RABGAP1: variants seen among roughly 807,000 people sequenced by gnomAD.
The protein encoded by RABGAP1 is rab GTPase-activating protein 1.
A neutral mutation model predicts 137.6 loss-of-function variants in RABGAP1; 23 were observed. That is an observed-to-expected ratio of 0.17 (90% CI 0.12 to 0.24). The LOEUF is 0.24. RABGAP1 is among the 10% of genes least tolerant of loss of function. RABGAP1 has a pLI of 1.00. For missense variants in RABGAP1, 906 were observed against 1,275.8 expected (o/e 0.71, Z 4.42); for synonymous variants, 451 against 450.7 (o/e 1.00, Z -0.01).
chr9:122,994,267 A>G (rs1050387536), intron 6 of RABGAP1, among the ~76,000 whole-genome samples: 1 of 152,206 alleles, frequency 6.6e-6, no homozygotes, highest in Non-Finnish European at 1.5e-5. Flanking sequence ...CTGTTACTGC[A>G]TCCCTGTAGA....
chr9:122,956,630 A>G (rs923544290), intron 1 of RABGAP1, among the ~76,000 whole-genome samples: 2 of 142,850 alleles, frequency 1.4e-5, no homozygotes, highest in Non-Finnish European at 1.5e-5. Flanking sequence ...AGCCTGGGCG[A>G]CAGAGTGAGA....
intron 13 of RABGAP1, among the ~76,000 whole-genome samples, chr9:123,025,117 C>T (rs182306641): frequency 3.7e-4 from 56 of 152,236 alleles, no homozygotes; most frequent in East Asian, 3.3e-3. Context: ...GAAAGCAGTT[C>T]GATTTTACTT....
At chr9:122,958,811 C>A (rs546008990) in intron 2 of RABGAP1, among the ~76,000 whole-genome samples, 1 of 152,032 alleles carries the variant, frequency 6.6e-6, no homozygotes, top group Admixed American at 6.6e-5. Flanking sequence ...GAGTTGGAGA[C>A]CAGCCTGGGG....
chr9:123,021,056 G>A (rs1161230242), intron 13 of RABGAP1: 1 of 260,140 alleles, frequency 3.8e-6, no homozygotes, highest in East Asian at 1.8e-4. Context: ...TTGTGCCTTT[G>A]TGTTCATGTT....
At position 123,032,431 on chromosome 9, in the gene RABGAP1, A is replaced by G. The variant is rs116552852; in HGVS notation, c.1794+11972A>G. On this transcript the variant is annotated intron_variant, in intron 13 of 25. Transcript: ENST00000373647. ...CCAATAAGACCTGTCAAATATTACT[A>G]TCAGGATTACGGTTAAATAGGTTTT... Among the ~76,000 whole-genome samples, 339 of 152,338 alleles carry G rather than the reference A, an allele frequency of 2.2e-3. 1 individual carries two copies. The highest frequency in any genetic ancestry group is 7.4e-3 in the African/African-American group (306 of 41,570).
intron 6 of RABGAP1, chr9:122,990,787 AAAAAAAAAAATATATATAT>A (rs1836649696): frequency 8.7e-5 from 6 of 69,064 alleles, no homozygotes; most frequent in South Asian, 1.3e-3. Flanking sequence ...AAAAAAAAAA[AAAAAAAAAAATATATATAT>A]ATATATATAT....
At chr9:122,996,842 T>C in intron 8 of RABGAP1, 1 of 483,894 alleles carries the variant, frequency 2.1e-6, no homozygotes, top group Non-Finnish European at 3.7e-6. Context: ...TGTTTAAATA[T>C]TTGAGTACAG....
chr9:122,970,328 G>A (rs1194879509), intron 2 of RABGAP1, among the ~76,000 whole-genome samples: 1 of 152,206 alleles, frequency 6.6e-6, no homozygotes, highest in African/African-American at 2.4e-5. Flanking sequence ...CAGCTGCTTA[G>A]GAGGCTGATG....
intron 11 of RABGAP1, among the ~76,000 whole-genome samples, 192 bp downstream of exon 11, chr9:123,010,720 T>G (rs937664407): frequency 6.6e-6 from 1 of 152,228 alleles, no homozygotes; most frequent in African/African-American, 2.4e-5. Flanking sequence ...TTTAAGATAC[T>G]TGTAACCCAG....
intron 8 of RABGAP1, 187 bp from the exon 9 acceptor site, chr9:122,997,072 A>G (rs1837060654): frequency 1.7e-6 from 1 of 581,208 alleles, no homozygotes; most frequent in Admixed American, 2.9e-5. Context: ...GCATATACAT[A>G]TAACTTCAGG....
Position 123,073,760 on chromosome 9 carries a change from A to G in RABGAP1, c.2109+83A>G, listed in dbSNP as rs1473698265. ...AATTGAGGAAATGGTGCCAGGGAGC[A>G]TTGGTAATTGCCTTAGCGATCCGTG... On this transcript the variant is annotated intron_variant, in intron 16 of 25. Transcript: ENST00000373647. 8 of 1,563,434 alleles carry G rather than the reference A, an allele frequency of 5.1e-6. No individual in the cohort carries two copies. The African/African-American group carries it at 1.1e-4, about 21-fold the overall frequency.
chr9:123,060,753 A>G (rs1169757900), intron 13 of RABGAP1, among the ~76,000 whole-genome samples: 2 of 152,248 alleles, frequency 1.3e-5, no homozygotes, highest in African/African-American at 2.4e-5. Flanking sequence ...GTCAGGGACT[A>G]TATACCACTA....
chr9:123,030,078 C>T (rs2032211855), intron 13 of RABGAP1, among the ~76,000 whole-genome samples: 1 of 152,050 alleles, frequency 6.6e-6, no homozygotes, highest in African/African-American at 2.4e-5. Context: ...TTAGGTTGAA[C>T]CATATAGAAA....
chr9:123,013,869 C>T (rs1158063695), intron 11 of RABGAP1, among the ~76,000 whole-genome samples: 1 of 152,088 alleles, frequency 6.6e-6, no homozygotes, highest in Non-Finnish European at 1.5e-5. Context: ...AAGATCCAAA[C>T]TTTGTTTAGG....
At chr9:123,008,147 G>A (rs2030469974) in intron 10 of RABGAP1, among the ~76,000 whole-genome samples, 1 of 152,128 alleles carries the variant, frequency 6.6e-6, no homozygotes, top group Non-Finnish European at 1.5e-5. Flanking sequence ...TGGCTTACAA[G>A]TTTGGTCCAG....
intron 6 of RABGAP1, 111 bp from the exon 7 acceptor site, chr9:122,995,930 C>G (rs1048264556): frequency 4.7e-5 from 68 of 1,454,586 alleles, no homozygotes; most frequent in Non-Finnish European, 5.8e-5. Flanking sequence ...TTATTATTTG[C>G]AAACTAGGCA....
chr9:122,935,173 G>T, the RABGAP1 span, among the ~76,000 whole-genome samples: 16 of 151,796 alleles, frequency 1.1e-4, no homozygotes, highest in East Asian at 2.9e-3. Context: ...TATTTTATTG[G>T]TGGTTACCAT....
At chr9:123,029,498 G>T (rs1023571911) in intron 13 of RABGAP1, 20 of 1,035,874 alleles carry the variant, frequency 1.9e-5, no homozygotes, top group African/African-American at 7.9e-5. Context: ...CAGAAGGGCT[G>T]CCCTGGCCAG....
intron 2 of RABGAP1, among the ~76,000 whole-genome samples, chr9:122,966,080 T>C (rs1330918237): frequency 6.6e-6 from 1 of 152,126 alleles, no homozygotes; most frequent in African/African-American, 2.4e-5. Flanking sequence ...AAGTCCAGAA[T>C]TGGGTCAGGA....
Sources: gnomAD v4.1 joint callset for allele counts (sites outside exome capture counted in the v4.1 genomes callset) on GRCh38, gnomAD v4.1.1 for gene constraint, MANE v1.5 for transcripts, NCBI Gene and HGNC (gene_info 2026-07-23, HGNC 2026-07-21) for gene names.